VEPH1: variants seen among roughly 807,000 people sequenced by gnomAD.
The protein encoded by VEPH1 is ventricular zone expressed PH domain containing 1.
Under a neutral mutation model 85.2 loss-of-function variants are expected in VEPH1, and 80 were observed. That is an observed-to-expected ratio of 0.94 (90% CI 0.78 to 1.13). The LOEUF is 1.13. Among genes scored for constraint, VEPH1 ranks in the 50% most tolerant of loss-of-function variants. The probability of loss-of-function intolerance (pLI) is 0.00; values close to 1 mark genes in which losing one functional copy is unlikely to be tolerated. For missense variants in VEPH1, 955 were observed against 980.5 expected (o/e 0.97, Z 0.35); for synonymous variants, 297 against 348.0 (o/e 0.85, Z 1.63).
intron 6 of VEPH1, among the ~76,000 whole-genome samples, chr3:157,389,612 T>C (rs1160021694): frequency 6.6e-6 from 1 of 151,178 alleles, no homozygotes; most frequent in Non-Finnish European, 1.5e-5. Flanking sequence ...GATAGGTAAA[T>C]AGATGGATAG....
At chr3:157,446,376 T>C (rs1193380831) in intron 4 of VEPH1, among the ~76,000 whole-genome samples, 2 of 152,244 alleles carry the variant, frequency 1.3e-5, no homozygotes, top group South Asian at 2.1e-4. Flanking sequence ...TTGGCAGAGA[T>C]AATATATGAA....
intron 13 of VEPH1, 131 bp downstream of exon 13, chr3:157,265,395 A>C: frequency 9.7e-7 from 1 of 1,031,018 alleles, no homozygotes; most frequent in Non-Finnish European, 1.4e-6. Context: ...ATGTGTGATA[A>C]AACAATGCTG....
At position 157,369,764 on chromosome 3, in the gene VEPH1, TATTTTGTTCGAAACAAAGTTTTTGA is replaced by T. The variant is rs1340276569; in HGVS notation, c.1128-5277_1128-5253del. On this transcript the variant is annotated intron_variant, in intron 7 of 13. Transcript: ENST00000362010. ...AAAATTTAATATAAAAAGATAGAAG[TATTTTGTTCGAAACAAAGTTTTTGA>T]ACAAAAAGTTCAAAAACCAAGATCT... is the stretch of plus-strand genomic sequence containing the variant. Among the ~76,000 whole-genome samples the T allele has an allele frequency of 3.9e-5, 6 of 152,222 alleles. No individual in the cohort carries two copies. The East Asian group carries it at 9.6e-4, about 24-fold the overall frequency.
At chr3:157,360,722 A>T (rs1020011479) in intron 9 of VEPH1, among the ~76,000 whole-genome samples, 7 of 152,168 alleles carry the variant, frequency 4.6e-5, no homozygotes, top group African/African-American at 1.7e-4. Flanking sequence ...TAATAAAGCT[A>T]GTTGTTATGA....
chr3:157,313,098 G>A (rs1241794165), intron 11 of VEPH1, among the ~76,000 whole-genome samples: 1 of 151,444 alleles, frequency 6.6e-6, no homozygotes, highest in African/African-American at 2.4e-5. Flanking sequence ...TAGAGACGGG[G>A]TTTCACCGTG....
intron 2 of VEPH1, among the ~76,000 whole-genome samples, chr3:157,494,442 A>T (rs1230830404): frequency 6.6e-6 from 1 of 152,192 alleles, no homozygotes; most frequent in African/African-American, 2.4e-5. Flanking sequence ...AAGTACAATC[A>T]AGAAGGTCAA....
chr3:157,432,448 T>C (rs2109144855), intron 4 of VEPH1, among the ~76,000 whole-genome samples: 1 of 152,266 alleles, frequency 6.6e-6, no homozygotes, highest in South Asian at 2.1e-4. Context: ...TGCTTTCTTG[T>C]AGTTGTCTTC....
chr3:157,369,192 A>AAAAAAAAAACAAAAAAAAAAC (rs1727172590), intron 7 of VEPH1, among the ~76,000 whole-genome samples: 2 of 142,702 alleles, frequency 1.4e-5, no homozygotes, highest in South Asian at 2.4e-4. Context: ...AAAAAAAAAA[A>AAAAAAAAAACAAAAAAAAAAC]AAAAAAAAAA....
At chr3:157,335,589 A>G (rs1559968716) in intron 9 of VEPH1, among the ~76,000 whole-genome samples, 2 of 152,206 alleles carry the variant, frequency 1.3e-5, no homozygotes, top group East Asian at 1.9e-4. Flanking sequence ...AAAACCCAAG[A>G]AGACCAAATG....
intron 11 of VEPH1, among the ~76,000 whole-genome samples, chr3:157,304,194 G>T (rs1052521082): frequency 6.6e-6 from 1 of 151,778 alleles, no homozygotes; most frequent in Non-Finnish European, 1.5e-5. Flanking sequence ...CCCAGAATTA[G>T]TGTTTCAGTT....
chr3:157,438,031 G>GCA lies in VEPH1; in HGVS notation c.530-9544_530-9543insTG, dbSNP rs1213951055. On this transcript the variant is annotated intron_variant, in intron 4 of 13. Transcript: ENST00000362010. Reference sequence around the variant, plus strand: ...AAGCTTTCATGGGAAGCGCGCGCGCGCGCGCGCACACACACACACACACAC... The same window carrying GCA: ...AAGCTTTCATGGGAAGCGCGCGCGCGCACGCGCGCACACACACACACACACAC... The GCA allele has an allele frequency of 4.2e-4, 346 of 820,210 alleles. 1 individual carries two copies. The African/African-American group carries it at 6.1e-3, about 15-fold the overall frequency. The allele number at this position is 820,210 out of a possible 1,614,324, so 50.8% of individuals were successfully genotyped here. A position where few individuals can be genotyped will look rare whatever the true frequency, so the allele number is the denominator to read the frequency against.
At chr3:157,261,423 A>T in intron 13 of VEPH1, 53 bp from the exon 14 acceptor site, 1 of 1,591,316 alleles carries the variant, frequency 6.3e-7, no homozygotes, top group Non-Finnish European at 8.6e-7. Context: ...GTAGGCAAGG[A>T]TCTCTGGCTA....
chr3:157,346,959 G>A (rs1724295347), intron 9 of VEPH1, among the ~76,000 whole-genome samples: 1 of 152,122 alleles, frequency 6.6e-6, no homozygotes, highest in Non-Finnish European at 1.5e-5. Flanking sequence ...TTATTGAATT[G>A]CTTTATTATT....
chr3:157,359,193 T>C (rs560975129), intron 9 of VEPH1, among the ~76,000 whole-genome samples: 37 of 152,340 alleles, frequency 2.4e-4, no homozygotes, highest in Middle Eastern at 3.4e-3. Context: ...ATATTATTCT[T>C]TATAGAACTT....
chr3:157,373,270 A>G (rs939142465), intron 7 of VEPH1, among the ~76,000 whole-genome samples: 9 of 152,234 alleles, frequency 5.9e-5, no homozygotes, highest in African/African-American at 1.4e-4. Flanking sequence ...TACCCCAGGA[A>G]TAAGTAATAC....
intron 6 of VEPH1, among the ~76,000 whole-genome samples, chr3:157,400,035 T>A (rs1042792640): frequency 1.3e-5 from 2 of 152,146 alleles, no homozygotes; most frequent in African/African-American, 4.8e-5. Flanking sequence ...CCTATTAGAA[T>A]TTAAACATAT....
intron 11 of VEPH1, among the ~76,000 whole-genome samples, 185 bp from the exon 12 acceptor site, chr3:157,286,859 C>T (rs1446638294): frequency 1.3e-5 from 2 of 152,170 alleles, no homozygotes; most frequent in Non-Finnish European, 2.9e-5. Context: ...CTAAACTTTT[C>T]CAGAAGAGTA....
chr3:157,320,705 A>G (rs907287061), intron 9 of VEPH1, among the ~76,000 whole-genome samples: 6 of 152,148 alleles, frequency 3.9e-5, no homozygotes, highest in Non-Finnish European at 4.4e-5. Flanking sequence ...TATAAAGACT[A>G]AAGTTAACAT....
At chr3:157,359,161 TG>T (rs1390355936) in intron 9 of VEPH1, among the ~76,000 whole-genome samples, 1 of 152,228 alleles carries the variant, frequency 6.6e-6, no homozygotes, top group Non-Finnish European at 1.5e-5. Context: ...AAAGTAACAT[TG>T]ATAGGTTCTT....
Sources: allele counts gnomAD v4.1 joint callset (sites outside exome capture counted in the v4.1 genomes callset), GRCh38; gene constraint gnomAD v4.1.1; transcripts MANE v1.5; gene names NCBI Gene and HGNC (gene_info 2026-07-23, HGNC 2026-07-21).